Variants in LDLRAD4 observed in about 807,000 individuals in gnomAD.
LDLRAD4 encodes low-density lipoprotein receptor class A domain-containing protein 4.
Under a neutral mutation model 17.0 loss-of-function variants are expected in LDLRAD4, and 5 were observed. The observed-to-expected ratio is 0.29, with a 90% CI of 0.15 to 0.62. The LOEUF is 0.62. Among genes scored for constraint, LDLRAD4 ranks in the 20% least tolerant of loss-of-function variants. The probability of loss-of-function intolerance (pLI) is 0.84; values close to 1 mark genes in which losing one functional copy is unlikely to be tolerated. For synonymous variants in LDLRAD4, 168 were observed against 171.8 expected (o/e 0.98, Z 0.17); for missense variants, 340 against 424.7 (o/e 0.80, Z 1.75).
intron 4 of LDLRAD4, among the ~76,000 whole-genome samples, chr18:13,642,959 G>A (rs1282526350): frequency 3.4e-5 from 5 of 145,176 alleles, no homozygotes; most frequent in East Asian, 4.2e-4. Flanking sequence ...TTTTTGATAC[G>A]GAGTCTCACT....
chr18:13,558,833 TA>T (rs2094510678), intron 3 of LDLRAD4, among the ~76,000 whole-genome samples: 1 of 152,194 alleles, frequency 6.6e-6, no homozygotes, highest in Non-Finnish European at 1.5e-5. Context: ...TTTCTGTTAA[TA>T]GGTGATCAAC....
At chr18:13,416,507 C>A (rs1015890989) in intron 2 of LDLRAD4, among the ~76,000 whole-genome samples, 1 of 152,180 alleles carries the variant, frequency 6.6e-6, no homozygotes, top group Non-Finnish European at 1.5e-5. Context: ...TATAGAGACA[C>A]ACGGTGAAAA....
intron 3 of LDLRAD4, among the ~76,000 whole-genome samples, chr18:13,524,447 A>C (rs183953657): frequency 8.0e-4 from 122 of 152,336 alleles, no homozygotes; most frequent in African/African-American, 2.7e-3. Flanking sequence ...GGGCTTTGAA[A>C]AAAAATTTAA....
chr18:13,559,517 G>A (rs1485970399), intron 3 of LDLRAD4, among the ~76,000 whole-genome samples: 2 of 151,978 alleles, frequency 1.3e-5, no homozygotes, highest in East Asian at 3.8e-4. Context: ...ATTTATATGG[G>A]TATGTATCAT....
At chr18:13,282,017 G>T (rs961415221) in intron 1 of LDLRAD4, among the ~76,000 whole-genome samples, 5 of 152,200 alleles carry the variant, frequency 3.3e-5, no homozygotes, top group African/African-American at 4.8e-5. Flanking sequence ...CATGGCGGCA[G>T]CAAGAGAGAA....
intron 3 of LDLRAD4, among the ~76,000 whole-genome samples, chr18:13,539,189 A>G (rs1601207785): frequency 6.6e-6 from 1 of 152,168 alleles, no homozygotes; most frequent in African/African-American, 2.4e-5. Flanking sequence ...CTTCCCTGCA[A>G]TGCTTTATTT....
chr18:13,369,339 A>G (rs2084291949), intron 1 of LDLRAD4, among the ~76,000 whole-genome samples: 1 of 152,130 alleles, frequency 6.6e-6, no homozygotes, highest in South Asian at 2.1e-4. Context: ...GAAAAGGGAA[A>G]AATATGCGCA....
At chr18:13,549,614 C>T (rs1324078088) in intron 3 of LDLRAD4, among the ~76,000 whole-genome samples, 1 of 151,428 alleles carries the variant, frequency 6.6e-6, no homozygotes, top group African/African-American at 2.4e-5. Context: ...ATAGAAAGGC[C>T]GTGGCTACCA....
chr18:13,284,132 T>G (rs532527852), intron 1 of LDLRAD4, among the ~76,000 whole-genome samples: 1 of 152,100 alleles, frequency 6.6e-6, no homozygotes, highest in Non-Finnish European at 1.5e-5. Flanking sequence ...AAGAGTGGCA[T>G]TGAGAAAATC....
At chr18:13,617,519 G>T (rs905451449) in intron 3 of LDLRAD4, among the ~76,000 whole-genome samples, 2 of 152,232 alleles carry the variant, frequency 1.3e-5, no homozygotes, top group Non-Finnish European at 2.9e-5. Context: ...AAAGGAAAAA[G>T]AGAGTATTTG....
At chr18:13,337,228 A>G (rs994639607) in intron 1 of LDLRAD4, among the ~76,000 whole-genome samples, 5 of 152,228 alleles carry the variant, frequency 3.3e-5, no homozygotes, top group African/African-American at 4.8e-5. Flanking sequence ...TCGCGCACTC[A>G]TACTTGCAAT....
At chr18:13,328,479 T>C (rs1411733838) in intron 1 of LDLRAD4, among the ~76,000 whole-genome samples, 1 of 152,216 alleles carries the variant, frequency 6.6e-6, no homozygotes, top group Admixed American at 6.5e-5. Flanking sequence ...GAGGCTACAC[T>C]TCCCAGCCTG....
chr18:13,363,686 A>G (rs2083855021), intron 1 of LDLRAD4, among the ~76,000 whole-genome samples: 1 of 152,228 alleles, frequency 6.6e-6, no homozygotes, highest in Non-Finnish European at 1.5e-5. Context: ...TCTCATTTCC[A>G]TGATAAAATA....
chr18:13,480,905 G>C (rs867075447), intron 3 of LDLRAD4, among the ~76,000 whole-genome samples: 1 of 152,202 alleles, frequency 6.6e-6, no homozygotes, highest in Admixed American at 6.5e-5. Flanking sequence ...CTGGCTGTCA[G>C]CCGTGTCAGC....
chr18:13,618,275 T>G (rs1005851746), intron 3 of LDLRAD4, among the ~76,000 whole-genome samples: 1 of 152,238 alleles, frequency 6.6e-6, no homozygotes, highest in African/African-American at 2.4e-5. Context: ...CACACACACA[T>G]GCAACGGAGG....
chr18:13,543,288 A>T (rs554354605), intron 3 of LDLRAD4: 2 of 152,292 alleles, frequency 1.3e-5, no homozygotes, highest in South Asian at 4.2e-4. Flanking sequence ...TCCTGTTCCT[A>T]AAATCATCTT....
At chr18:13,258,724 A>AT (rs1178977245) in intron 1 of LDLRAD4, among the ~76,000 whole-genome samples, 1 of 152,152 alleles carries the variant, frequency 6.6e-6, no homozygotes. Context: ...TTAATTCAGT[A>AT]TTTAGGTCAA....
intron 1 of LDLRAD4, among the ~76,000 whole-genome samples, chr18:13,368,424 T>C (rs997366146): frequency 3.9e-5 from 6 of 152,156 alleles, no homozygotes; most frequent in Non-Finnish European, 7.4e-5. Flanking sequence ...GATGCCTGCT[T>C]TCTGTGTAGG....
At chr18:13,609,518 CGTGTGTGTGTGCGT>C (rs1343728962) in intron 3 of LDLRAD4, among the ~76,000 whole-genome samples, 1 of 117,518 alleles carries the variant, frequency 8.5e-6, no homozygotes, top group East Asian at 2.3e-4. Context: ...GCTCATTATG[CGTGTGTGTGTGCGT>C]GTGTGTGTGT....
Sources: allele counts gnomAD v4.1 joint callset (sites outside exome capture counted in the v4.1 genomes callset), GRCh38; gene constraint gnomAD v4.1.1; transcripts MANE v1.5; gene names NCBI Gene and HGNC (gene_info 2026-07-23, HGNC 2026-07-21).